DOCK3: variants seen among roughly 807,000 people sequenced by gnomAD.
DOCK3 encodes the protein dedicator of cytokinesis 3, also known as dedicator of cytokinesis protein 3.
Under a neutral mutation model 265.6 loss-of-function variants are expected in DOCK3, and 60 were observed. That is an observed-to-expected ratio of 0.23 (90% confidence interval 0.18 to 0.28). DOCK3 has a LOEUF of 0.28. DOCK3 is among the 10% of genes least tolerant of loss of function. The pLI, the probability that DOCK3 is intolerant of heterozygous loss-of-function variation, is 1.00. For synonymous variants in DOCK3, 881 were observed against 938.0 expected (o/e 0.94, Z 1.11); for missense variants, 1,981 against 2,594.3 (o/e 0.76, Z 5.14).
At chr3:51,118,865 G>A (rs1168135573) in intron 9 of DOCK3, among the ~76,000 whole-genome samples, 1 of 151,622 alleles carries the variant, frequency 6.6e-6, no homozygotes, top group African/African-American at 2.4e-5. Context: ...CCCTATGTGT[G>A]TTTTTGCACA....
rs1394354143 is a variant in DOCK3 at position 51,236,404 on chromosome 3, C to T, written c.1977C>T (p.Tyr659=). 8.7e-6 allele frequency: 14 copies of T among 1,610,728 alleles called. No individual in the cohort carries two copies. Among genetic ancestry groups the T allele is most frequent in the East Asian group, 4.5e-5 (2 of 44,878 alleles). ...TTTTGGATGATAATACAGAGAAGTA[C>T]GGCCTGTTGGTTTTTCAGTCTCTGG... ...FVILDDNTEK[Y]GLLVFQSLVF... The change falls in exon 20 of 53, where the codon TAC becomes TAT. Residue 659 remains tyrosine, a synonymous_variant. Transcript: ENST00000266037.
chr3:51,291,971 A>G (rs1198911448), intron 27 of DOCK3, among the ~76,000 whole-genome samples: 1 of 152,240 alleles, frequency 6.6e-6, no homozygotes, highest in Non-Finnish European at 1.5e-5. Flanking sequence ...GTGATTCACC[A>G]TATTAACAGA....
At chr3:51,086,021 G>A (rs1412733151) in intron 7 of DOCK3, among the ~76,000 whole-genome samples, 1 of 152,166 alleles carries the variant, frequency 6.6e-6, no homozygotes, top group African/African-American at 2.4e-5. Context: ...AAATATAGAG[G>A]TGTGGAGTGG....
chr3:51,094,285 A>C (rs970633051), intron 9 of DOCK3, among the ~76,000 whole-genome samples: 6 of 152,106 alleles, frequency 3.9e-5, no homozygotes, highest in Non-Finnish European at 5.9e-5. Context: ...TTCGGCTGTG[A>C]ATCTCTCTGG....
At chr3:50,858,787 A>G (rs2046754567) in intron 3 of DOCK3, among the ~76,000 whole-genome samples, 1 of 152,098 alleles carries the variant, frequency 6.6e-6, no homozygotes, top group Non-Finnish European at 1.5e-5. Context: ...CAGGGATGCC[A>G]ATGATTCATA....
chr3:50,775,193 T>C (rs1324075027), intron 1 of DOCK3, among the ~76,000 whole-genome samples: 1 of 152,080 alleles, frequency 6.6e-6, no homozygotes, highest in Non-Finnish European at 1.5e-5. Flanking sequence ...TATTTATGAT[T>C]GGTGTTATTT....
intron 22 of DOCK3, among the ~76,000 whole-genome samples, chr3:51,249,404 G>A (rs1400798337): frequency 1.5e-4 from 20 of 135,122 alleles, no homozygotes; most frequent in African/African-American, 4.2e-4. Flanking sequence ...CCGGCCAGCC[G>A]CCCCGTCCGG....
At chr3:50,851,323 G>A (rs1219014031) in intron 3 of DOCK3, among the ~76,000 whole-genome samples, 1 of 152,170 alleles carries the variant, frequency 6.6e-6, no homozygotes, top group African/African-American at 2.4e-5. Context: ...TGCTCTGAAT[G>A]CCTGGAGATC....
chr3:51,017,788 GA>G (rs1180850882), intron 5 of DOCK3, among the ~76,000 whole-genome samples: 2 of 151,826 alleles, frequency 1.3e-5, no homozygotes, highest in Admixed American at 6.6e-5. Flanking sequence ...TCATGGCTGA[GA>G]AAAAAATGCT....
intron 5 of DOCK3, among the ~76,000 whole-genome samples, chr3:50,994,746 A>G (rs2078220449): frequency 6.6e-6 from 1 of 152,210 alleles, no homozygotes; most frequent in Non-Finnish European, 1.5e-5. Context: ...GTTTAGAGAC[A>G]TAGAAGGGCC....
Position 51,356,995 on chromosome 3 carries a change from G to A in DOCK3, c.4537G>A (p.Val1513Met). Residue 1513 changes from valine to methionine, a missense_variant, in exon 44 of 53, where the codon GTG (valine) becomes ATG (methionine). Transcript: ENST00000266037. The stretch of plus-strand genomic sequence containing the variant: ...GAGCCCTCTGGAGAATGCCATCCAA[G>A]TGGTTGAGAATAAGAACCAGGAGCT... ...EVSPLENAIQ[V>M]VENKNQELRS... 1 of 1,613,498 alleles carries A rather than the reference G, an allele frequency of 6.2e-7. No individual in the cohort carries two copies. Among genetic ancestry groups the A allele is most frequent in the Non-Finnish European group, 8.5e-7 (1 of 1,179,856 alleles).
rs1479052733 is a variant in DOCK3, at chr3:51,213,552, CTTAG to C, written c.1127-564_1127-561del. ...ATCTGAAATCCTCATGGAGTCAAGG[CTTAG>C]TTAGTCCCACAAAAGCGCCCTCTTT... On this transcript the variant is annotated intron_variant, in intron 13 of 52. Transcript: ENST00000266037. 5.9e-5 allele frequency among the ~76,000 whole-genome samples: 9 copies of C among 152,142 alleles called. No homozygotes were observed. The South Asian group carries it at 8.3e-4, about 14-fold the overall frequency.
At chr3:50,782,466 A>G (rs1188241416) in intron 2 of DOCK3, among the ~76,000 whole-genome samples, 1 of 149,754 alleles carries the variant, frequency 6.7e-6, no homozygotes, top group Non-Finnish European at 1.5e-5. Flanking sequence ...AATTTTTTGT[A>G]TTTTTAGTAG....
intron 2 of DOCK3, among the ~76,000 whole-genome samples, chr3:50,816,489 T>C (rs1004989905): frequency 4.6e-4 from 70 of 151,938 alleles, no homozygotes; most frequent in Middle Eastern, 6.8e-3. Flanking sequence ...GCCAGCTAAT[T>C]TTTGTATTTT....
intron 2 of DOCK3, among the ~76,000 whole-genome samples, chr3:50,800,610 C>T (rs923424257): frequency 6.6e-6 from 1 of 150,626 alleles, no homozygotes; most frequent in Non-Finnish European, 1.5e-5. Flanking sequence ...TATTTATTTT[C>T]AAAAAAAACA....
intron 2 of DOCK3, among the ~76,000 whole-genome samples, chr3:50,781,758 T>C (rs764808701): frequency 1.3e-5 from 2 of 152,202 alleles, no homozygotes; most frequent in Non-Finnish European, 2.9e-5. Flanking sequence ...TAGTTATTTT[T>C]CCTGATCCTC....
chr3:50,948,629 CTTTCCTCTTTG>C (rs1349231624), intron 5 of DOCK3, among the ~76,000 whole-genome samples: 2 of 149,622 alleles, frequency 1.3e-5, no homozygotes, highest in Non-Finnish European at 3.0e-5. Flanking sequence ...CTTTTCTTTT[CTTTCCTCTTTG>C]TTTCCTCTTT....
chr3:50,756,481 A>AT (rs1025681538), intron 1 of DOCK3, among the ~76,000 whole-genome samples: 12 of 151,660 alleles, frequency 7.9e-5, no homozygotes, highest in South Asian at 2.1e-4. Context: ...CAAAACATAC[A>AT]TTTTTTTTGT....
intron 1 of DOCK3, among the ~76,000 whole-genome samples, chr3:50,722,894 C>T (rs958507959): frequency 3.3e-5 from 5 of 151,812 alleles, no homozygotes; most frequent in African/African-American, 9.7e-5. Flanking sequence ...CACTCAGCCT[C>T]CCAAGTAGCT....
Sources: allele counts gnomAD v4.1 joint callset (sites outside exome capture counted in the v4.1 genomes callset), GRCh38; gene constraint gnomAD v4.1.1; transcripts MANE v1.5; gene names NCBI Gene and HGNC (gene_info 2026-07-23, HGNC 2026-07-21).